The following POTEB2 variants were observed in gnomAD, a reference collection of about 807,000 sequenced individuals.
POTEB2 encodes the protein POTE ankyrin domain family, member B2.
A neutral mutation model predicts 1.8 loss-of-function variants in POTEB2; 1 was observed. The observed-to-expected ratio is 0.55, with a 90% confidence interval of 0.20 to 2.62. POTEB2 has a LOEUF of 2.62. Among genes scored for constraint, POTEB2 ranks in the 30% most tolerant of loss-of-function variants. The pLI, the probability that POTEB2 is intolerant of heterozygous loss-of-function variation, is 0.24.
chr15:20,839,890 A>ATATATAAAAGAAAAT (rs1889428240), intron 9 of POTEB2, among the ~76,000 whole-genome samples: 1 of 2,612 alleles, frequency 3.8e-4, no homozygotes, highest in Admixed American at 8.2e-3. Context: ...ATATATATAT[A>ATATATAAAAGAAAAT]TATATATATA....
At chr15:20,860,470 C>A (rs1159079907) in intron 3 of POTEB2, among the ~76,000 whole-genome samples, 1 of 35,034 alleles carries the variant, frequency 2.9e-5, no homozygotes, top group East Asian at 1.7e-3. Flanking sequence ...CAAAAAAAAA[C>A]CTCTTCATGG....
intron 3 of POTEB2, among the ~76,000 whole-genome samples, chr15:20,860,442 CA>C (rs1566890427): frequency 2.5e-5 from 1 of 40,170 alleles, no homozygotes; most frequent in East Asian, 1.1e-3. Flanking sequence ...CACACACAAA[CA>C]AAAACAAAAA....
intron 3 of POTEB2, among the ~76,000 whole-genome samples, chr15:20,860,623 G>GT (rs1226088237): frequency 1.6e-4 from 2 of 12,880 alleles, no homozygotes; most frequent in Non-Finnish European, 2.3e-4. Context: ...ATCTATTAGT[G>GT]TTTTTTTAGG....
chr15:20,862,633 G>GT (rs1889695352), intron 1 of POTEB2, among the ~76,000 whole-genome samples: 1 of 109,848 alleles, frequency 9.1e-6, no homozygotes, highest in Admixed American at 1.2e-4. Context: ...TTACTCAGGT[G>GT]TTAAGCCTAG....
At chr15:20,839,868 T>TTA (rs749566271) in intron 9 of POTEB2, among the ~76,000 whole-genome samples, 13 of 10,942 alleles carry the variant, frequency 1.2e-3, no homozygotes, top group Admixed American at 1.7e-3. Context: ...ATAAAGAAAA[T>TTA]TATATATATA....
At position 20,860,380 on chromosome 15, in the gene POTEB2, CAAAT is replaced by C. The variant is rs1214432625; in HGVS notation, c.699+658_699+661del. Among the ~76,000 whole-genome samples the C allele has an allele frequency of 1.5e-3, 50 of 33,036 alleles. 6 individuals carry two copies. Among genetic ancestry groups the C allele is most frequent in the East Asian group, 0.01 (6 of 594 alleles). 21.7% of individuals were successfully genotyped at this position (33,036 alleles called of 152,430 possible). ...ACCCTGTCTCACCATATAAAGGAAA[CAAAT>C]GAATGAACAACAATAACAACACACA... On this transcript the variant is annotated intron_variant, in intron 3 of 10. Transcript: ENST00000454856.
Position 20,836,386 on chromosome 15 carries a change from C to CA in POTEB2, c.1423-784dup, listed in dbSNP as rs1237666622. Among the ~76,000 whole-genome samples the CA allele has an allele frequency of 2.3e-3, 132 of 56,980 alleles. 2 individuals are homozygous for CA. The East Asian group carries it at 0.036, about 15-fold the overall frequency. 37.4% of individuals were successfully genotyped at this position (56,980 alleles called of 152,430 possible). ...ACAGTGCAAGACTCCATCTAGAATA[C>CA]ACACACACACACACACACACACACA... On this transcript the variant is annotated intron_variant, in intron 10 of 10. Transcript: ENST00000454856.
intron 9 of POTEB2, among the ~76,000 whole-genome samples, chr15:20,839,904 A>ATATATATATTAAAGAAAAT (rs1889432680): frequency 1.9e-5 from 1 of 53,434 alleles, no homozygotes; most frequent in African/African-American, 7.0e-5. Flanking sequence ...ATATATATAT[A>ATATATATATTAAAGAAAAT]TATATATATA....
intron 9 of POTEB2, among the ~76,000 whole-genome samples, chr15:20,839,869 TA>T (rs1395926393): frequency 0.1 from 11 of 106 alleles, 1 homozygote; most frequent in African/African-American, 0.2. Context: ...TAAAGAAAAT[TA>T]TATATATATA....
At chr15:20,859,950 CT>C (rs1889657304) in intron 3 of POTEB2, among the ~76,000 whole-genome samples, 1 of 37,160 alleles carries the variant, frequency 2.7e-5, no homozygotes, top group Non-Finnish European at 4.7e-5. Flanking sequence ...AAACAATTCC[CT>C]TTATCATTTG....
At chr15:20,847,900 G>A (rs751499162) in intron 7 of POTEB2, among the ~76,000 whole-genome samples, 1,229 of 17,490 alleles carry the variant, frequency 0.07, 34 homozygotes, top group African/African-American at 0.19. Context: ...GAACAGAAAT[G>A]CTGAGGTCAG....
intron 3 of POTEB2, among the ~76,000 whole-genome samples, chr15:20,860,433 AC>A (rs1356769172): frequency 1.3e-4 from 6 of 47,222 alleles, no homozygotes; most frequent in African/African-American, 3.6e-4. Context: ...ACACACACAC[AC>A]ACACAAACAA....
chr15:20,839,149 G>A (rs1337324123), intron 9 of POTEB2, among the ~76,000 whole-genome samples: 2 of 87,928 alleles, frequency 2.3e-5, no homozygotes, highest in Non-Finnish European at 4.2e-5. Context: ...CCTAAGACCA[G>A]AAGACATTAG....
chr15:20,839,784 CAT>C (rs1889419775), intron 9 of POTEB2, among the ~76,000 whole-genome samples: 1 of 9,414 alleles, frequency 1.1e-4, no homozygotes, highest in Non-Finnish European at 1.6e-4. Flanking sequence ...CACCTATATA[CAT>C]ATGTTTACTG....
intron 8 of POTEB2, among the ~76,000 whole-genome samples, chr15:20,846,694 C>A (rs1889515994): frequency 2.7e-5 from 1 of 36,940 alleles, no homozygotes; most frequent in Non-Finnish European, 4.2e-5. Flanking sequence ...AATTTTCCAG[C>A]TGGAAATTAC....
At chr15:20,860,505 C>T in intron 3 of POTEB2, among the ~76,000 whole-genome samples, 1 of 23,748 alleles carries the variant, frequency 4.2e-5, no homozygotes. Flanking sequence ...ACCTAATTTC[C>T]AAGTTGGCCT....
At position 20,839,317 on chromosome 15, in the gene POTEB2, G is replaced by A. The variant is rs1342099636; in HGVS notation, c.1299-1950C>T. 7.4e-3 allele frequency among the ~76,000 whole-genome samples: 651 copies of A among 88,258 alleles called. 4 individuals carry two copies. Among genetic ancestry groups the A allele is most frequent in the Non-Finnish European group, 9.3e-3 (442 of 47,642 alleles). The allele number at this position is 88,258 out of a possible 152,430, so 57.9% of individuals were successfully genotyped here. A position where few individuals can be genotyped will look rare whatever the true frequency, so the allele number is the denominator to read the frequency against. ...AAAGTGAGCCAACCACTTATACAAT[G>A]GGGAAAATATGGGCAAATTATGAAT... On this transcript the variant is annotated intron_variant, in intron 9 of 10. Transcript: ENST00000454856.
In POTEB2 at chr15:20,860,444, A is replaced by C. The variant is rs867434378; in HGVS notation, c.699+598T>G. Among the ~76,000 whole-genome samples the C allele has an allele frequency of 6.4e-5, 3 of 47,002 alleles. 1 individual carries two copies. Among genetic ancestry groups the C allele is most frequent in the African/African-American group, 3.6e-4 (3 of 8,434 alleles). 30.8% of individuals were successfully genotyped at this position (47,002 alleles called of 152,430 possible). ...ACACACACACACACACACACAAACA[A>C]AAACAAAAACAAAAACAAAAAAAAA... On this transcript the variant is annotated intron_variant, in intron 3 of 10. Coordinates refer to ENST00000454856, the MANE Select transcript of POTEB2 (RefSeq NM_001277303.1).
intron 9 of POTEB2, among the ~76,000 whole-genome samples, chr15:20,839,347 C>G (rs1889412020): frequency 1.7e-5 from 1 of 57,494 alleles, no homozygotes; most frequent in Non-Finnish European, 2.9e-5. Flanking sequence ...ATGAATCTAA[C>G]AAAGGATTAA....
Sources: gnomAD v4.1 joint callset for allele counts (sites outside exome capture counted in the v4.1 genomes callset) on GRCh38, gnomAD v4.1.1 for gene constraint, MANE v1.5 for transcripts, NCBI Gene and HGNC (gene_info 2026-07-23, HGNC 2026-07-21) for gene names.